Variants in ADRA1D observed in about 807,000 individuals in gnomAD.
The protein encoded by ADRA1D is alpha-1D adrenergic receptor.
In ADRA1D, 22 loss-of-function variants were observed where a neutral mutation model predicts 18.6. The ratio of observed to expected loss-of-function variants is 1.19; its 90% CI spans 0.85 to 1.69. The LOEUF is 1.69. ADRA1D is among the 40% of genes most tolerant of loss of function. The probability of loss-of-function intolerance (pLI) is 0.00; values close to 1 mark genes in which losing one functional copy is unlikely to be tolerated. For synonymous variants in ADRA1D, 376 were observed against 388.2 expected, an observed-to-expected ratio of 0.97 and a Z score of 0.37; for missense variants, 840 against 840.7, an observed-to-expected ratio of 1.00 and a Z score of 0.01.
chr20:4,227,383 G>A (rs56245021), intron 1 of ADRA1D, among the ~76,000 whole-genome samples: 24,197 of 152,026 alleles, frequency 0.16, 2,085 homozygotes, highest in East Asian at 0.3. Context: ...CCCACCCGCA[G>A]CACATCACTC....
At chr20:4,223,218 A>G (rs1281508537) in intron 1 of ADRA1D, among the ~76,000 whole-genome samples, 1 of 152,246 alleles carries the variant, frequency 6.6e-6, no homozygotes, top group East Asian at 1.9e-4. Flanking sequence ...CAATTGAACT[A>G]GATCTTGTTA....
At chr20:4,234,976 A>T (rs940215201) in intron 1 of ADRA1D, among the ~76,000 whole-genome samples, 13 of 152,202 alleles carry the variant, frequency 8.5e-5, no homozygotes, top group Non-Finnish European at 1.9e-4. Context: ...GGACACAGTC[A>T]TGGAAGCCTG....
rs922148910 is a variant in ADRA1D, at chr20:4,248,869, C to A, written c.89G>T (p.Gly30Val). 33 of 1,071,562 alleles carry A rather than the reference C, an allele frequency of 3.1e-5. No homozygotes were observed. The African/African-American group carries it at 5.5e-4, about 18-fold the overall frequency. The allele number at this position is 1,071,562 out of a possible 1,614,324, so 66.4% of individuals were successfully genotyped here. The change falls in exon 1 of 2, where the codon GGC (glycine) becomes GTC (valine). Residue 30 changes from glycine to valine, a missense_variant. Transcript: ENST00000379453. ...CGAGGGGGCCGCGCCGCCCGCGCTG[C>A]CCCCGCCGCCGCCCGCGCTGGAGCC... ...AGGSSAGGGG[G>V]SAGGAAPSEG...
intron 1 of ADRA1D, among the ~76,000 whole-genome samples, chr20:4,246,441 C>T (rs959116700): frequency 7.2e-5 from 11 of 152,070 alleles, no homozygotes; most frequent in Non-Finnish European, 1.5e-4. Context: ...GGAAGGACAG[C>T]GAAGTCGGAG....
chr20:4,231,487 C>T (rs1980969838), intron 1 of ADRA1D, among the ~76,000 whole-genome samples: 1 of 152,074 alleles, frequency 6.6e-6, no homozygotes, highest in Non-Finnish European at 1.5e-5. Context: ...CAGCCTCTAG[C>T]ACAAGTGCCT....
chr20:4,242,967 T>A (rs1981252261), intron 1 of ADRA1D, among the ~76,000 whole-genome samples: 1 of 152,020 alleles, frequency 6.6e-6, no homozygotes, highest in South Asian at 2.1e-4. Context: ...CGCAGTGAGA[T>A]GCTGCCGCCA....
intron 1 of ADRA1D, among the ~76,000 whole-genome samples, chr20:4,225,354 A>T (rs1436477308): frequency 6.7e-6 from 1 of 148,230 alleles, no homozygotes; most frequent in Admixed American, 6.7e-5. Context: ...TTTTGTGAAG[A>T]TTCATATATT....
rs1454643831 is a variant in ADRA1D, at chr20:4,248,499, C to T, written c.459G>A (p.Ser153=). The T allele has an allele frequency of 2.5e-6, 4 of 1,613,562 alleles. No homozygotes were observed. The highest frequency in any genetic ancestry group is 3.4e-6 in the Non-Finnish European group (4 of 1,179,862). The change falls in exon 1 of 2, where the codon TCG becomes TCA. Residue 153 remains serine (S), a synonymous_variant. Transcript: ENST00000379453. ...AGAAGCCCAGAACCTCCATGGTGGC[C>T]GAGAAGGGCAGTACGGTGGCGCTCA... The part of the protein sequence containing the change: ...LLLSATVLPF[S]ATMEVLGFWA...
chr20:4,245,320 T>C (rs1028979057), intron 1 of ADRA1D, among the ~76,000 whole-genome samples: 1 of 152,206 alleles, frequency 6.6e-6, no homozygotes, highest in African/African-American at 2.4e-5. Flanking sequence ...CAAGGTGCCA[T>C]TCATATAAAT....
At position 4,221,802 on chromosome 20, in the gene ADRA1D, C is replaced by T; in HGVS notation, c.1440G>A (p.Met480Ile). 1 of 1,500,396 alleles carries T rather than the reference C, an allele frequency of 6.7e-7. No homozygotes were observed. Among genetic ancestry groups the T allele is most frequent in the South Asian group, 1.2e-5 (1 of 85,852 alleles). 92.9% of individuals were successfully genotyped at this position (1,500,396 alleles called of 1,614,324 possible). Residue 480 changes from methionine (M) to isoleucine (I), a missense_variant, in exon 2 of 2, where the codon ATG becomes ATA. Coordinates refer to ENST00000379453, the MANE Select transcript of ADRA1D (RefSeq NM_000678.4). ...PDPEPPGTPEMQAPVASRRKP... is the reference protein window; with the variant it reads ...PDPEPPGTPEIQAPVASRRKP... ...TTCGACGGCTGGCGACCGGAGCCTGCATCTCGGGCGTGCCTGGGGGTTCGG... is the reference window on the plus strand; with the variant it reads ...TTCGACGGCTGGCGACCGGAGCCTGTATCTCGGGCGTGCCTGGGGGTTCGG...
At position 4,247,886 on chromosome 20, in the gene ADRA1D, C is replaced by G. The variant is rs765627756; in HGVS notation, c.1072G>C (p.Val358Leu). Residue 358 changes from valine (V) to leucine (L), a missense_variant, in exon 1 of 2, where the codon GTG becomes CTG. Physicochemically the swap from Val to Leu is conservative, Grantham distance 32. Transcript: ENST00000379453. ...KTLAIVVGVF[V>L]LCWFPFFFVL... ...AAGAAGAAAGGGAACCAGCAGAGCA[C>G]GAAGACACCCACGACGATGGCCAGA... The G allele has an allele frequency of 3.2e-6, 5 of 1,587,100 alleles. No homozygotes were observed. Among genetic ancestry groups the G allele is most frequent in the Admixed American group, 1.8e-5 (1 of 54,502 alleles).
At chr20:4,224,993 G>GT (rs562415272) in intron 1 of ADRA1D, among the ~76,000 whole-genome samples, 7,567 of 120,024 alleles carry the variant, frequency 0.063, 372 homozygotes, top group East Asian at 0.29. Context: ...GGCCATCTAA[G>GT]TTTTTTTTTT....
At position 4,249,266 on chromosome 20, in the gene ADRA1D, C is replaced by A. The variant is rs1981450044; in HGVS notation, c.-309G>T. Among the ~76,000 whole-genome samples, 1 of 152,050 alleles carries A rather than the reference C, an allele frequency of 6.6e-6. No individual in the cohort carries two copies. The highest frequency in any genetic ancestry group is 6.5e-5 in the Admixed American group (1 of 15,272). The stretch of plus-strand genomic sequence containing the variant: ...CGGCTCCGGGGCCGGGCGGTGCAGG[C>A]AGCGGCCACTGCGGCGCTCCCAACT... On this transcript the variant is annotated 5_prime_UTR_variant, in exon 1 of 2. Coordinates refer to ENST00000379453, the MANE Select transcript of ADRA1D (RefSeq NM_000678.4).
At chr20:4,240,379 G>C (rs982063451) in intron 1 of ADRA1D, among the ~76,000 whole-genome samples, 1 of 147,204 alleles carries the variant, frequency 6.8e-6, no homozygotes, top group Non-Finnish European at 1.5e-5. Flanking sequence ...GATATTAAAT[G>C]ATTTTATGTG....
rs1285583445 is a variant in ADRA1D at position 4,221,666 on chromosome 20, C to T, written c.1576G>A (p.Ala526Thr). 2 of 1,612,644 alleles carry T rather than the reference C, an allele frequency of 1.2e-6. No individual in the cohort carries two copies. The highest frequency in any genetic ancestry group is 1.1e-5 in the South Asian group (1 of 91,024). ...GCGCACGCTGCCTCTGCGCGCTGCG[C>T]GCCCCCGGCGCGGATCTTGTGCGAC... Reference protein sequence around the residue: ...SLSHKIRAGGAQRAEAACAQR... With the variant: ...SLSHKIRAGGTQRAEAACAQR... The change falls in exon 2 of 2, where the codon GCG becomes ACG. Residue 526 changes from alanine to threonine, a missense_variant. Coordinates refer to ENST00000379453, the MANE Select transcript of ADRA1D (RefSeq NM_000678.4).
Position 4,248,932 on chromosome 20 carries a change from A to G in ADRA1D, c.26T>C (p.Val9Ala), listed in dbSNP as rs1013900444. The stretch of plus-strand genomic sequence containing the variant: ...GTCCGGGCGGGGTCCCTCGAAACTG[A>G]CGCTCAGGAGATCGCGGAAAGTCAT... MTFRDLLS[V>A]SFEGPRPDSS... The change falls in exon 1 of 2, where the codon GTC (valine) becomes GCC (alanine). Residue 9 changes from valine to alanine, a missense_variant. By Grantham distance (64) the Val-to-Ala change is moderately conservative. Coordinates refer to ENST00000379453, the MANE Select transcript of ADRA1D (RefSeq NM_000678.4). The G allele has an allele frequency of 1.4e-5, 19 of 1,346,984 alleles. No homozygotes were observed. Among genetic ancestry groups the G allele is most frequent in the Non-Finnish European group, 1.8e-5 (19 of 1,037,652 alleles). The allele number at this position is 1,346,984 out of a possible 1,614,324, so 83.4% of individuals were successfully genotyped here.
intron 1 of ADRA1D, among the ~76,000 whole-genome samples, chr20:4,223,643 G>T (rs1401790942): frequency 6.6e-6 from 1 of 152,184 alleles, no homozygotes; most frequent in Non-Finnish European, 1.5e-5. Flanking sequence ...TGGTGCAAAA[G>T]TGATACGCGT....
At chr20:4,235,162 G>A (rs184226096) in intron 1 of ADRA1D, among the ~76,000 whole-genome samples, 111 of 152,284 alleles carry the variant, frequency 7.3e-4, no homozygotes, top group Admixed American at 1.2e-3. Context: ...GAGATGCGCC[G>A]GGTGTAGGTC....
chr20:4,247,523 G>A (rs773134400), intron 1 of ADRA1D, among the ~76,000 whole-genome samples: 1 of 152,162 alleles, frequency 6.6e-6, no homozygotes, highest in Non-Finnish European at 1.5e-5. Context: ...CACATACACT[G>A]CCGACCACAT....
Sources: gnomAD v4.1 joint callset for allele counts (sites outside exome capture counted in the v4.1 genomes callset) on GRCh38, gnomAD v4.1.1 for gene constraint, MANE v1.5 for transcripts, NCBI Gene and HGNC (gene_info 2026-07-23, HGNC 2026-07-21) for gene names.